Variants in CSMD1 observed in about 807,000 individuals in gnomAD.
CSMD1 encodes CUB and sushi domain-containing protein 1.
Under a neutral mutation model 417.5 loss-of-function variants are expected in CSMD1, and 213 were observed. The ratio of observed to expected loss-of-function variants is 0.51; its 90% CI spans 0.46 to 0.57. The LOEUF (loss-of-function observed/expected upper bound fraction) is 0.57. Among genes scored for constraint, CSMD1 ranks in the 20% least tolerant of loss-of-function variants. CSMD1 has a pLI of 0.00. For synonymous variants in CSMD1, 2,862 were observed against 1,736.8 expected, an observed-to-expected ratio of 1.65 and a Z score of -16.11; for missense variants, 6,923 against 4,529.7, an observed-to-expected ratio of 1.53 and a Z score of -15.17.
At chr8:4,361,351 T>A (rs1801746990) in intron 3 of CSMD1, among the ~76,000 whole-genome samples, 1 of 151,362 alleles carries the variant, frequency 6.6e-6, no homozygotes, top group South Asian at 2.1e-4. Flanking sequence ...TCTGCAGTCA[T>A]CTGTGATTTT....
At chr8:3,945,236 C>T (rs947304013) in intron 5 of CSMD1, among the ~76,000 whole-genome samples, 8 of 147,224 alleles carry the variant, frequency 5.4e-5, no homozygotes, top group Middle Eastern at 3.5e-3. Context: ...TGTCTTTAGA[C>T]GTGAAAAATT....
intron 2 of CSMD1, among the ~76,000 whole-genome samples, chr8:4,467,134 AAAAAAAG>A (rs1179687131): frequency 1.5e-4 from 22 of 149,980 alleles, no homozygotes; most frequent in African/African-American, 5.4e-4. Context: ...AAAAAAAAAA[AAAAAAAG>A]AAAAAAAAAG....
At chr8:4,624,437 C>T (rs1801978492) in intron 2 of CSMD1, among the ~76,000 whole-genome samples, 1 of 152,108 alleles carries the variant, frequency 6.6e-6, no homozygotes, top group South Asian at 2.1e-4. Flanking sequence ...CTGGAATTAC[C>T]AGCATATGGC....
At chr8:4,211,385 T>C (rs1374596731) in intron 3 of CSMD1, among the ~76,000 whole-genome samples, 1 of 152,222 alleles carries the variant, frequency 6.6e-6, no homozygotes, top group African/African-American at 2.4e-5. Flanking sequence ...ATGCAATTCA[T>C]TTAAAATTAT....
chr8:4,729,820 A>G (rs1293191262), intron 1 of CSMD1, among the ~76,000 whole-genome samples: 1 of 152,232 alleles, frequency 6.6e-6, no homozygotes, highest in Non-Finnish European at 1.5e-5. Flanking sequence ...TTCCATTGCA[A>G]TCACAGTAAA....
intron 1 of CSMD1, among the ~76,000 whole-genome samples, chr8:4,718,953 G>C (rs1373916753): frequency 6.6e-6 from 1 of 152,060 alleles, no homozygotes; most frequent in Non-Finnish European, 1.5e-5. Context: ...GGAAAAATGA[G>C]AACGTTCATT....
intron 3 of CSMD1, among the ~76,000 whole-genome samples, chr8:4,340,327 G>C (rs1427879270): frequency 1.3e-5 from 2 of 151,934 alleles, no homozygotes; most frequent in Non-Finnish European, 2.9e-5. Context: ...CCCTTACATT[G>C]GCTGGGATGA....
At chr8:4,058,028 G>C (rs1002517998) in intron 3 of CSMD1, among the ~76,000 whole-genome samples, 1 of 151,402 alleles carries the variant, frequency 6.6e-6, no homozygotes, top group Admixed American at 6.6e-5. Flanking sequence ...CTCTTTTTTG[G>C]TTCCATATGA....
At chr8:4,788,155 A>G in intron 1 of CSMD1, 3 of 1,599,534 alleles carry the variant, frequency 1.9e-6, no homozygotes, top group Non-Finnish European at 2.6e-6. Flanking sequence ...GGTCACTGTG[A>G]AAAAATCAAG....
At chr8:3,141,882 C>G (rs1165987508) in intron 41 of CSMD1, among the ~76,000 whole-genome samples, 2 of 151,510 alleles carry the variant, frequency 1.3e-5, no homozygotes, top group African/African-American at 4.8e-5. Context: ...ACTGCAAGCT[C>G]CGCCTCCCGG....
intron 33 of CSMD1, among the ~76,000 whole-genome samples, chr8:3,198,159 C>T (rs1381616098): frequency 1.3e-5 from 2 of 152,108 alleles, no homozygotes; most frequent in Non-Finnish European, 2.9e-5. Flanking sequence ...CTACCAAGGA[C>T]AACATTTGCA....
chr8:4,121,002 T>C (rs972904863), intron 3 of CSMD1, among the ~76,000 whole-genome samples: 4 of 152,220 alleles, frequency 2.6e-5, no homozygotes, highest in Non-Finnish European at 4.4e-5. Context: ...AACCTTTTGA[T>C]GGCTTGGTTT....
chr8:3,328,652 C>T (rs1441886592), intron 23 of CSMD1, among the ~76,000 whole-genome samples: 12 of 152,064 alleles, frequency 7.9e-5, no homozygotes, highest in African/African-American at 1.4e-4. Flanking sequence ...ATCATATCCA[C>T]GGTCTTATCA....
rs190035456 is a variant in CSMD1 at position 3,942,530 on chromosome 8, C to T, written c.818+55373G>A. Among the ~76,000 whole-genome samples, 564 of 152,258 alleles carry T rather than the reference C, an allele frequency of 3.7e-3. 2 individuals carry two copies. The highest frequency in any genetic ancestry group is 0.012 in the African/African-American group (498 of 41,564). On this transcript the variant is annotated intron_variant, in intron 5 of 69. Transcript: ENST00000635120. ...GACTATAACCCTCAACCCAGGAGGA[C>T]ACCGGTGCATGAGGACTGAAAATGT... is the stretch of plus-strand genomic sequence containing the variant.
intron 3 of CSMD1, among the ~76,000 whole-genome samples, chr8:4,264,051 A>G (rs1192890677): frequency 6.6e-6 from 1 of 152,162 alleles, no homozygotes; most frequent in African/African-American, 2.4e-5. Flanking sequence ...CAAGTTTGTT[A>G]ACTACCTGAG....
rs562758229 is a variant in CSMD1 at position 3,879,240 on chromosome 8, T to C, written c.818+118663A>G. On this transcript the variant is annotated intron_variant, in intron 5 of 69. Coordinates refer to ENST00000635120, the MANE Select transcript of CSMD1 (RefSeq NM_033225.6). ...TATGTATTTATACACTATACCTGTG[T>C]ATATAGGATTGTATATTACATACTG... Among the ~76,000 whole-genome samples, 4 of 152,314 alleles carry C rather than the reference T, an allele frequency of 2.6e-5. No homozygotes were observed. In the East Asian group the frequency reaches 7.7e-4, roughly 29 times the overall value.
intron 3 of CSMD1, among the ~76,000 whole-genome samples, chr8:4,159,014 C>T (rs1245903875): frequency 6.6e-6 from 1 of 152,170 alleles, no homozygotes; most frequent in Non-Finnish European, 1.5e-5. Context: ...CTCCCAGATT[C>T]AAGCGATTCT....
intron 3 of CSMD1, among the ~76,000 whole-genome samples, chr8:4,231,186 T>G (rs77521370): frequency 3.3e-5 from 5 of 152,180 alleles, no homozygotes; most frequent in African/African-American, 7.2e-5. Context: ...TACACATCAA[T>G]TGCGCATTGA....
At chr8:3,637,051 G>T (rs144031374) in intron 7 of CSMD1, among the ~76,000 whole-genome samples, 1 of 152,100 alleles carries the variant, frequency 6.6e-6, no homozygotes, top group East Asian at 1.9e-4. Context: ...GAAAACCCTC[G>T]CCAGAATCAG....
Sources: allele counts gnomAD v4.1 joint callset (sites outside exome capture counted in the v4.1 genomes callset), GRCh38; gene constraint gnomAD v4.1.1; transcripts MANE v1.5; gene names NCBI Gene and HGNC (gene_info 2026-07-23, HGNC 2026-07-21).